The following CSMD1 variants were observed in gnomAD, a reference collection of about 807,000 sequenced individuals.
CSMD1 encodes the protein CUB and Sushi multiple domains 1.
A neutral mutation model predicts 417.5 loss-of-function variants in CSMD1; 213 were observed. The observed-to-expected ratio is 0.51, with a 90% CI of 0.46 to 0.57. The LOEUF is 0.57. Among genes scored for constraint, CSMD1 ranks in the 20% least tolerant of loss-of-function variants. The pLI is 0.00. For synonymous variants in CSMD1, 2,862 were observed against 1,736.8 expected (o/e 1.65, Z -16.11); for missense variants, 6,923 against 4,529.7 (o/e 1.53, Z -15.17).
chr8:3,551,991 G>C (rs1276415187), intron 10 of CSMD1, among the ~76,000 whole-genome samples: 1 of 152,186 alleles, frequency 6.6e-6, no homozygotes, highest in Non-Finnish European at 1.5e-5. Flanking sequence ...TCTCACAGTG[G>C]CAGAAACAGG....
chr8:3,460,138 A>C (rs1038878646), intron 12 of CSMD1, among the ~76,000 whole-genome samples: 1 of 152,150 alleles, frequency 6.6e-6, no homozygotes, highest in Non-Finnish European at 1.5e-5. Flanking sequence ...AGGGTGGTAT[A>C]GGATTGTGTA....
intron 3 of CSMD1, among the ~76,000 whole-genome samples, chr8:4,253,888 G>C (rs1396027557): frequency 7.0e-6 from 1 of 143,014 alleles, no homozygotes; most frequent in African/African-American, 2.6e-5. Context: ...GAGACACTAC[G>C]TTCGTTATTT....
chr8:4,029,400 T>C lies in CSMD1; in HGVS notation c.610+2505A>G, dbSNP rs1443326463. Among the ~76,000 whole-genome samples, 16 of 152,186 alleles carry C rather than the reference T, an allele frequency of 1.1e-4. 1 individual carries two copies. The highest frequency in any genetic ancestry group is 2.0e-4 in the Admixed American group (3 of 15,276). ...GGCTGGGGAAGCCTCACAATCATGGTGGAAGGCAAGGAGGACCTAGCCACG... is the reference window on the plus strand; with the variant it reads ...GGCTGGGGAAGCCTCACAATCATGGCGGAAGGCAAGGAGGACCTAGCCACG... On this transcript the variant is annotated intron_variant, in intron 4 of 69. Coordinates refer to ENST00000635120, the MANE Select transcript of CSMD1 (RefSeq NM_033225.6).
In CSMD1 at chr8:4,005,716, G is replaced by A. The variant is rs148864419; in HGVS notation, c.611-7606C>T. On this transcript the variant is annotated intron_variant, in intron 4 of 69. Coordinates refer to ENST00000635120, the MANE Select transcript of CSMD1 (RefSeq NM_033225.6). The stretch of plus-strand genomic sequence containing the variant: ...AAGAACTTTCAAGACTCCCTCATTT[G>A]ATTTGTTTCAGCTAAATATGTGGAA... 1.8e-3 allele frequency among the ~76,000 whole-genome samples: 279 copies of A among 152,298 alleles called. 1 individual carries two copies. Among genetic ancestry groups the A allele is most frequent in the African/African-American group, 6.3e-3 (263 of 41,570 alleles).
At chr8:4,370,187 C>G (rs1157112955) in intron 3 of CSMD1, among the ~76,000 whole-genome samples, 1 of 152,116 alleles carries the variant, frequency 6.6e-6, no homozygotes. Context: ...AATTTCATTT[C>G]TCCTTTGCTT....
intron 3 of CSMD1, among the ~76,000 whole-genome samples, chr8:4,276,396 T>C (rs6980968): frequency 0.18 from 27,744 of 152,006 alleles, 3,206 homozygotes; most frequent in Non-Finnish European, 0.27. Flanking sequence ...ACACCACATG[T>C]TTTCACTCAT....
At chr8:4,222,148 G>C (rs1324145937) in intron 3 of CSMD1, among the ~76,000 whole-genome samples, 2 of 151,622 alleles carry the variant, frequency 1.3e-5, no homozygotes, top group African/African-American at 2.4e-5. Context: ...CCTTCACAGA[G>C]CCTTACCACC....
At chr8:4,922,824 T>C (rs758679073) in intron 1 of CSMD1, among the ~76,000 whole-genome samples, 1 of 152,190 alleles carries the variant, frequency 6.6e-6, no homozygotes, top group Non-Finnish European at 1.5e-5. Flanking sequence ...GGGAAATGAC[T>C]TGAGGAATTC....
intron 5 of CSMD1, among the ~76,000 whole-genome samples, chr8:3,992,764 G>A (rs1211654271): frequency 6.6e-6 from 1 of 152,226 alleles, no homozygotes; most frequent in African/African-American, 2.4e-5. Context: ...CTGGGTGACA[G>A]AAGGAGACCC....
chr8:3,039,127 A>T (rs1188085381), intron 50 of CSMD1, among the ~76,000 whole-genome samples: 2 of 152,162 alleles, frequency 1.3e-5, no homozygotes, highest in East Asian at 3.9e-4. Flanking sequence ...TGCTGTAAAC[A>T]CCGTGTGAGT....
intron 33 of CSMD1, among the ~76,000 whole-genome samples, chr8:3,192,265 C>G (rs953301114): frequency 6.6e-6 from 1 of 152,022 alleles, no homozygotes; most frequent in East Asian, 1.9e-4. Flanking sequence ...CGATAATATT[C>G]TATTATAGGT....
At chr8:3,659,918 A>C (rs191206744) in intron 7 of CSMD1, among the ~76,000 whole-genome samples, 1 of 152,208 alleles carries the variant, frequency 6.6e-6, no homozygotes, top group African/African-American at 2.4e-5. Flanking sequence ...AAGAAAGAGC[A>C]TATCTTCATT....
chr8:4,504,359 T>C (rs1802412200), intron 2 of CSMD1, among the ~76,000 whole-genome samples: 1 of 152,050 alleles, frequency 6.6e-6, no homozygotes. Flanking sequence ...GGGTACATGG[T>C]TTGGGTTATA....
chr8:4,547,719 G>A (rs1011476252), intron 2 of CSMD1, among the ~76,000 whole-genome samples: 1 of 152,176 alleles, frequency 6.6e-6, no homozygotes, highest in Non-Finnish European at 1.5e-5. Context: ...TGGAGTAGAA[G>A]CTATAAGCAG....
intron 3 of CSMD1, among the ~76,000 whole-genome samples, chr8:4,085,618 G>C (rs907460822): frequency 6.6e-6 from 1 of 152,100 alleles, no homozygotes; most frequent in Non-Finnish European, 1.5e-5. Flanking sequence ...GGAACCTCAC[G>C]GGAACTGTGC....
intron 49 of CSMD1, among the ~76,000 whole-genome samples, chr8:3,064,370 C>A (rs555545116): frequency 6.6e-6 from 1 of 152,198 alleles, no homozygotes; most frequent in Admixed American, 6.5e-5. Flanking sequence ...GGCATTTCGC[C>A]CCTAGCTCTC....
chr8:3,539,541 C>G (rs562912949), intron 10 of CSMD1, among the ~76,000 whole-genome samples: 1 of 152,020 alleles, frequency 6.6e-6, no homozygotes, highest in Non-Finnish European at 1.5e-5. Flanking sequence ...TCATTTTAAA[C>G]GTGCAAGGAA....
chr8:3,106,812 A>C, intron 45 of CSMD1, 171 bp from the exon 46 acceptor site: 1 of 481,028 alleles, frequency 2.1e-6, no homozygotes, highest in Non-Finnish European at 3.7e-6. Flanking sequence ...TTAAGTTCTT[A>C]ATTTATAAAA....
At position 4,266,716 on chromosome 8, in the gene CSMD1, C is replaced by A. The variant is rs551795893; in HGVS notation, c.415+153237G>T. On this transcript the variant is annotated intron_variant, in intron 3 of 69. Coordinates refer to ENST00000635120, the MANE Select transcript of CSMD1 (RefSeq NM_033225.6). Reference sequence around the variant, plus strand: ...ATTATACTTAGTTTTATACATTATACAAAAATTCTAATTTTTTGTCTAATA... The same window carrying A: ...ATTATACTTAGTTTTATACATTATAAAAAAATTCTAATTTTTTGTCTAATA... 4.8e-5 allele frequency among the ~76,000 whole-genome samples: 5 copies of A among 104,740 alleles called. 2 individuals carry two copies. In the East Asian group the frequency reaches 1.3e-3, roughly 27 times the overall value. 68.7% of individuals were successfully genotyped at this position (104,740 alleles called of 152,430 possible). A position where few individuals can be genotyped will look rare whatever the true frequency, so the allele number is the denominator to read the frequency against.
Sources: allele counts gnomAD v4.1 joint callset (sites outside exome capture counted in the v4.1 genomes callset), GRCh38; gene constraint gnomAD v4.1.1; transcripts MANE v1.5; gene names NCBI Gene and HGNC (gene_info 2026-07-23, HGNC 2026-07-21).